TAS2R1: variants seen among roughly 807,000 people sequenced by gnomAD.
TAS2R1 encodes the protein taste receptor type 2 member 1.
For missense variants in TAS2R1, 370 were observed against 353.4 expected, an observed-to-expected ratio of 1.05 and a Z score of -0.38; for synonymous variants, 141 against 134.2, an observed-to-expected ratio of 1.05 and a Z score of -0.35.
chr5:9,707,552 G>A (rs1053391619), intron 1 of TAS2R1, among the ~76,000 whole-genome samples: 3 of 152,170 alleles, frequency 2.0e-5, no homozygotes, highest in Admixed American at 6.5e-5. Context: ...GCGTGGTGGT[G>A]TGTGCCTGTA....
intron 1 of TAS2R1, among the ~76,000 whole-genome samples, chr5:9,678,464 A>G (rs1388954651): frequency 6.6e-6 from 1 of 152,228 alleles, no homozygotes; most frequent in Non-Finnish European, 1.5e-5. Context: ...TCATTCTATC[A>G]TAAATATACA....
At chr5:9,633,319 T>TATACAC (rs1475834697), upstream of TAS2R1, among the ~76,000 whole-genome samples, 831 of 137,502 alleles carry the variant, frequency 6.0e-3, 27 homozygotes, top group African/African-American at 0.023. Flanking sequence ...TATATATATA[T>TATACAC]ACACAAATGT....
the TAS2R1 span, among the ~76,000 whole-genome samples, chr5:9,748,490 T>C: frequency 1.3e-5 from 2 of 152,188 alleles, no homozygotes; most frequent in Non-Finnish European, 2.9e-5. Flanking sequence ...CTCATGATTC[T>C]GGTGACTGGA....
the TAS2R1 span, among the ~76,000 whole-genome samples, chr5:9,866,715 T>C: frequency 6.6e-6 from 1 of 152,342 alleles, no homozygotes; most frequent in Non-Finnish European, 1.5e-5. Context: ...TGTCCCTCTA[T>C]CCTTGTGAGA....
intron 2 of TAS2R1, among the ~76,000 whole-genome samples, chr5:9,645,806 T>C (rs1740175212): frequency 6.6e-6 from 1 of 152,084 alleles, no homozygotes; most frequent in African/African-American, 2.4e-5. Flanking sequence ...ATGGATTCCA[T>C]CCAGAGGACA....
the TAS2R1 span, among the ~76,000 whole-genome samples, chr5:9,875,222 C>T: frequency 3.2e-4 from 49 of 152,114 alleles, no homozygotes; most frequent in African/African-American, 8.9e-4. Context: ...AATGAGGGAG[C>T]GGGCAGGAGC....
intron 1 of TAS2R1, among the ~76,000 whole-genome samples, chr5:9,665,696 C>T (rs532172642): frequency 1.3e-5 from 2 of 152,188 alleles, no homozygotes; most frequent in Non-Finnish European, 2.9e-5. Flanking sequence ...AAAATAATGT[C>T]TGCCTCTAGG....
At chr5:9,819,756 A>G in the TAS2R1 span, among the ~76,000 whole-genome samples, 5 of 152,164 alleles carry the variant, frequency 3.3e-5, no homozygotes, top group African/African-American at 1.2e-4. Context: ...GCAAGCTTAT[A>G]CTGGGCATAT....
chr5:9,860,194 A>C, the TAS2R1 span, among the ~76,000 whole-genome samples: 2 of 152,244 alleles, frequency 1.3e-5, no homozygotes, highest in African/African-American at 4.8e-5. Flanking sequence ...GAATCTTTGA[A>C]GAAACAGGTG....
chr5:9,874,719 G>A, the TAS2R1 span, among the ~76,000 whole-genome samples: 1 of 152,120 alleles, frequency 6.6e-6, no homozygotes, highest in Admixed American at 6.5e-5. Flanking sequence ...CAGACTTGGA[G>A]CCCCAAGTCC....
chr5:9,846,300 T>G, the TAS2R1 span, among the ~76,000 whole-genome samples: 1 of 152,216 alleles, frequency 6.6e-6, no homozygotes, highest in African/African-American at 2.4e-5. Flanking sequence ...ATAGGGACTA[T>G]GTCTTTCTGA....
At chr5:9,752,910 A>G in the TAS2R1 span, among the ~76,000 whole-genome samples, 2 of 152,134 alleles carry the variant, frequency 1.3e-5, no homozygotes, top group Non-Finnish European at 2.9e-5. Flanking sequence ...AGTATTCCAT[A>G]GTGTATATGT....
the TAS2R1 span, among the ~76,000 whole-genome samples, chr5:9,773,842 C>T: frequency 2.6e-5 from 4 of 152,156 alleles, no homozygotes; most frequent in African/African-American, 7.2e-5. Context: ...CTTTAGGATA[C>T]TTTCTTTACC....
At chr5:9,819,620 G>C in the TAS2R1 span, among the ~76,000 whole-genome samples, 2 of 152,124 alleles carry the variant, frequency 1.3e-5, no homozygotes, top group African/African-American at 4.8e-5. Context: ...GTAAGAAATG[G>C]GGATAACTGT....
chr5:9,790,925 C>A, the TAS2R1 span, among the ~76,000 whole-genome samples: 8 of 152,150 alleles, frequency 5.3e-5, no homozygotes, highest in African/African-American at 7.2e-5. Context: ...CAGGCATGTG[C>A]CACTGTGCCT....
At chr5:9,728,950 G>T in the TAS2R1 span, among the ~76,000 whole-genome samples, 1 of 152,208 alleles carries the variant, frequency 6.6e-6, no homozygotes, top group Non-Finnish European at 1.5e-5. Flanking sequence ...GCAGGGAGTT[G>T]GTCAGCGTCT....
chr5:9,874,481 TC>T, the TAS2R1 span, among the ~76,000 whole-genome samples: 1 of 152,096 alleles, frequency 6.6e-6, no homozygotes, highest in Admixed American at 6.5e-5. Flanking sequence ...CTTAGCATCT[TC>T]CCCCTCCAGC....
At chr5:9,861,343 AT>A in the TAS2R1 span, among the ~76,000 whole-genome samples, 5 of 152,302 alleles carry the variant, frequency 3.3e-5, no homozygotes, top group Non-Finnish European at 7.3e-5. Flanking sequence ...AGTCTCCTGC[AT>A]TCATGCCTGT....
chr5:9,893,126 G>A, the TAS2R1 span, among the ~76,000 whole-genome samples: 2 of 151,990 alleles, frequency 1.3e-5, no homozygotes, highest in Admixed American at 6.5e-5. Context: ...CAACCAGAGA[G>A]AAGGGCTCAG....
Sources: gnomAD v4.1 joint callset for allele counts (sites outside exome capture counted in the v4.1 genomes callset) on GRCh38, gnomAD v4.1.1 for gene constraint, MANE v1.5 for transcripts, NCBI Gene and HGNC (gene_info 2026-07-23, HGNC 2026-07-21) for gene names.